The following RFX7 variants were observed in gnomAD, a reference collection of about 807,000 sequenced individuals.
RFX7 encodes regulatory factor X7.
A neutral mutation model predicts 111.8 loss-of-function variants in RFX7; 26 were observed. The ratio of observed to expected loss-of-function variants is 0.23; its 90% CI spans 0.17 to 0.32. RFX7 has a LOEUF of 0.32. Ranked by LOEUF, RFX7 falls within the 10% of genes least tolerant of loss-of-function variation. The probability of loss-of-function intolerance (pLI) is 1.00; values close to 1 mark genes in which losing one functional copy is unlikely to be tolerated. For synonymous variants in RFX7, 624 were observed against 624.4 expected (o/e 1.00, Z 0.01); for missense variants, 1,573 against 1,772.9 (o/e 0.89, Z 2.02).
chr15:56,199,882 T>G (rs1479493796), intron 2 of RFX7, among the ~76,000 whole-genome samples: 1 of 152,190 alleles, frequency 6.6e-6, no homozygotes, highest in African/African-American at 2.4e-5. Context: ...ACATTAAAAC[T>G]AAATCTAGTC....
At chr15:56,169,692 A>G (rs1401028834) in intron 3 of RFX7, among the ~76,000 whole-genome samples, 1 of 137,762 alleles carries the variant, frequency 7.3e-6, no homozygotes, top group Admixed American at 7.7e-5. Context: ...CTATAATGCT[A>G]GTCAGTTCTT....
chr15:56,120,473 T>G (rs1462290970), intron 5 of RFX7, among the ~76,000 whole-genome samples: 3 of 152,222 alleles, frequency 2.0e-5, no homozygotes, highest in Non-Finnish European at 4.4e-5. Context: ...CCAGTCTGGA[T>G]GCCCTGTTTC....
In RFX7 at chr15:56,093,873, C is replaced by T. The variant is rs748396319; in HGVS notation, c.3855G>A (p.Gln1285=). ...SNYTARMNLT[Q]ILEPSTVFPS... is the part of the protein sequence containing the mutation. ...GAAAAACAGTGGAAGGTTCCAAAATCTGAGTGAGATTCATCCGGGCTGTAT... is the reference window on the plus strand; with the variant it reads ...GAAAAACAGTGGAAGGTTCCAAAATTTGAGTGAGATTCATCCGGGCTGTAT... The change falls in exon 10 of 10, where the codon CAG becomes CAA. Residue 1285 remains glutamine (Q), a synonymous_variant. Coordinates refer to ENST00000559447, the MANE Select transcript of RFX7 (RefSeq NM_022841.7). 6.2e-7 allele frequency: 1 copy of T among 1,613,820 alleles called. No individual in the cohort carries two copies. Among genetic ancestry groups the T allele is most frequent in the African/African-American group, 1.3e-5 (1 of 74,910 alleles).
intron 5 of RFX7, among the ~76,000 whole-genome samples, chr15:56,104,829 C>G (rs140860034): frequency 6.6e-6 from 1 of 152,122 alleles, no homozygotes; most frequent in East Asian, 1.9e-4. Flanking sequence ...AGTAGCCCAG[C>G]AAACACATCA....
At chr15:56,179,630 T>A (rs2042943022) in intron 2 of RFX7, among the ~76,000 whole-genome samples, 1 of 152,142 alleles carries the variant, frequency 6.6e-6, no homozygotes, top group Non-Finnish European at 1.5e-5. Flanking sequence ...ACAATAATTA[T>A]GATTTTTACT....
intron 2 of RFX7, among the ~76,000 whole-genome samples, chr15:56,210,242 G>A (rs2043298533): frequency 6.6e-6 from 1 of 152,026 alleles, no homozygotes; most frequent in Non-Finnish European, 1.5e-5. Context: ...GTGATAAATA[G>A]GTGAATGCTT....
At chr15:56,110,063 A>G (rs34825755) in intron 5 of RFX7, among the ~76,000 whole-genome samples, 98,691 of 103,484 alleles carry the variant, frequency 0.95, 47,206 homozygotes, top group Non-Finnish European at 0.99. Context: ...CCCTCTGCCC[A>G]GCCAGCCGCC....
chr15:56,148,093 T>C (rs921718460), intron 3 of RFX7, among the ~76,000 whole-genome samples: 1 of 152,248 alleles, frequency 6.6e-6, no homozygotes, highest in African/African-American at 2.4e-5. Flanking sequence ...AATTTCATAC[T>C]ATTGCAGTTG....
In RFX7 at chr15:56,243,493, C is replaced by T. The variant is rs1343101112; in HGVS notation, c.-51G>A. 3.0e-6 allele frequency: 3 copies of T among 984,732 alleles called. No individual in the cohort carries two copies. The highest frequency in any genetic ancestry group is 3.6e-6 in the Non-Finnish European group (3 of 829,770). The allele number at this position is 984,732 out of a possible 1,614,324, so 61.0% of individuals were successfully genotyped here. On this transcript the variant is annotated 5_prime_UTR_variant, in exon 1 of 10. Coordinates refer to ENST00000559447, the MANE Select transcript of RFX7 (RefSeq NM_022841.7). ...TCGCCTGCCGCCTGGGGAACATCAC[C>T]GGGGAGACCAGCGGCTCCTCACGGC...
At chr15:56,245,011 G>T (rs574020204), upstream of RFX7, among the ~76,000 whole-genome samples, 1 of 152,266 alleles carries the variant, frequency 6.6e-6, no homozygotes, top group East Asian at 1.9e-4. Context: ...TTGGGCCCGT[G>T]GGTGTTATGA....
At chr15:56,144,286 TA>T in intron 4 of RFX7, 114 bp downstream of exon 4, 1 of 303,008 alleles carries the variant, frequency 3.3e-6, no homozygotes, top group Non-Finnish European at 6.5e-6. Flanking sequence ...GTATGTTTTC[TA>T]ATCATTTCAG....
rs2041619081 is a variant in RFX7, at chr15:56,093,206, A to G, written c.*139T>C. On this transcript the variant is annotated 3_prime_UTR_variant, in exon 10 of 10. Transcript: ENST00000559447. ...ACTGAGGCAAGTCTAACCATTTCCT[A>G]CTGAAGAAACCACTTCTGCAGCAAA... 9 of 730,454 alleles carry G rather than the reference A, an allele frequency of 1.2e-5. No individual in the cohort carries two copies. The highest frequency in any genetic ancestry group is 1.9e-5 in the Non-Finnish European group (9 of 461,964). 45.2% of individuals were successfully genotyped at this position (730,454 alleles called of 1,614,324 possible). A position where few individuals can be genotyped will look rare whatever the true frequency, so the allele number is the denominator to read the frequency against.
intron 2 of RFX7, among the ~76,000 whole-genome samples, chr15:56,222,229 G>A (rs78332319): frequency 0.066 from 10,067 of 152,098 alleles, 455 homozygotes; most frequent in Admixed American, 0.11. Context: ...GTTGGTCTTC[G>A]TTGCTGTTGT....
chr15:56,112,379 CAAAAAA>C (rs71110374), intron 5 of RFX7, among the ~76,000 whole-genome samples: 5 of 71,768 alleles, frequency 7.0e-5, no homozygotes, highest in Non-Finnish European at 1.0e-4. Context: ...GAGTACAAAT[CAAAAAA>C]AAAAAAAAAA....
At chr15:56,147,894 G>A (rs2141037595) in intron 3 of RFX7, among the ~76,000 whole-genome samples, 1 of 152,310 alleles carries the variant, frequency 6.6e-6, no homozygotes. Context: ...ATTTTTAACA[G>A]AGATTTGCAC....
chr15:56,187,361 T>G (rs934898790), intron 2 of RFX7, among the ~76,000 whole-genome samples: 2 of 151,902 alleles, frequency 1.3e-5, no homozygotes, highest in African/African-American at 4.8e-5. Context: ...CAGGCGCATG[T>G]TGCCACACCT....
At chr15:56,100,430 A>C (rs1321123866) in intron 8 of RFX7, among the ~76,000 whole-genome samples, 3 of 152,204 alleles carry the variant, frequency 2.0e-5, no homozygotes, top group African/African-American at 7.2e-5. Context: ...ACACACATAC[A>C]TCCCACATAC....
At chr15:56,197,607 C>T (rs1596003150) in intron 2 of RFX7, among the ~76,000 whole-genome samples, 1 of 151,950 alleles carries the variant, frequency 6.6e-6, no homozygotes, top group Non-Finnish European at 1.5e-5. Flanking sequence ...CTTCCTAAGT[C>T]TAGCACTTTG....
intron 2 of RFX7, among the ~76,000 whole-genome samples, chr15:56,208,292 C>T (rs1290663228): frequency 6.6e-6 from 1 of 152,104 alleles, no homozygotes; most frequent in African/African-American, 2.4e-5. Context: ...AAGGCAAAAC[C>T]CAACTCCAGA....
Sources: allele counts gnomAD v4.1 joint callset (sites outside exome capture counted in the v4.1 genomes callset), GRCh38; gene constraint gnomAD v4.1.1; transcripts MANE v1.5; gene names NCBI Gene and HGNC (gene_info 2026-07-23, HGNC 2026-07-21).